The following CTNNA3 variants were observed in gnomAD, a reference collection of about 807,000 sequenced individuals.
CTNNA3 encodes the protein catenin alpha 3.
Under a neutral mutation model 95.7 loss-of-function variants are expected in CTNNA3, and 76 were observed. The ratio of observed to expected loss-of-function variants is 0.79; its 90% CI spans 0.66 to 0.96. The LOEUF is 0.96. CTNNA3 is among the 40% of genes least tolerant of loss of function. The pLI, the probability that CTNNA3 is intolerant of heterozygous loss-of-function variation, is 0.00. For missense variants in CTNNA3, 1,191 were observed against 1,089.8 expected (o/e 1.09, Z -1.31); for synonymous variants, 431 against 374.4 (o/e 1.15, Z -1.74).
At chr10:66,015,895 G>A (rs894497243) in intron 15 of CTNNA3, among the ~76,000 whole-genome samples, 1 of 152,010 alleles carries the variant, frequency 6.6e-6, no homozygotes, top group African/African-American at 2.4e-5. Context: ...ACATATATAT[G>A]AAAATATGCA....
chr10:66,684,940 T>G (rs1182423108), intron 9 of CTNNA3, among the ~76,000 whole-genome samples: 1 of 151,790 alleles, frequency 6.6e-6, no homozygotes, highest in African/African-American at 2.4e-5. Context: ...TTGTTGGCAT[T>G]TATTTTAAAA....
At chr10:66,833,885 T>C (rs1842807778) in intron 7 of CTNNA3, among the ~76,000 whole-genome samples, 1 of 152,170 alleles carries the variant, frequency 6.6e-6, no homozygotes, top group Admixed American at 6.5e-5. Context: ...CAGCTTGCTA[T>C]TTTTCTATTT....
intron 9 of CTNNA3, among the ~76,000 whole-genome samples, chr10:66,744,123 T>C (rs1849424189): frequency 6.6e-6 from 1 of 152,170 alleles, no homozygotes; most frequent in South Asian, 2.1e-4. Context: ...CTCTCAGACC[T>C]ATGAGCTTCT....
intron 5 of CTNNA3, among the ~76,000 whole-genome samples, chr10:67,228,163 G>T (rs530325851): frequency 3.9e-5 from 6 of 152,042 alleles, no homozygotes; most frequent in Admixed American, 6.5e-5. Context: ...CAGAAGAAAG[G>T]AAATAACCAA....
At chr10:66,972,392 G>C (rs1849771470) in intron 7 of CTNNA3, among the ~76,000 whole-genome samples, 1 of 152,116 alleles carries the variant, frequency 6.6e-6, no homozygotes, top group Non-Finnish European at 1.5e-5. Flanking sequence ...CTGGGCTCAA[G>C]CAGTCCTCCT....
intron 15 of CTNNA3, among the ~76,000 whole-genome samples, chr10:65,989,827 A>G (rs545008462): frequency 6.6e-6 from 1 of 152,116 alleles, no homozygotes; most frequent in East Asian, 1.9e-4. Flanking sequence ...TTCTAACTGT[A>G]TGTTTGCTCC....
At chr10:67,114,709 G>GGGGTGTGTGTGTGTGTGTGT (rs1554924160) in intron 7 of CTNNA3, among the ~76,000 whole-genome samples, 1 of 144,754 alleles carries the variant, frequency 6.9e-6, no homozygotes, top group African/African-American at 2.6e-5. Flanking sequence ...GGTTCTTAAA[G>GGGGTGTGTGTGTGTGTGTGT]GTGTGTGTGT....
intron 7 of CTNNA3, among the ~76,000 whole-genome samples, chr10:66,995,263 C>A (rs919200833): frequency 6.6e-6 from 1 of 152,160 alleles, no homozygotes; most frequent in African/African-American, 2.4e-5. Flanking sequence ...TTGGGTGTCA[C>A]TGAAGACACT....
intron 13 of CTNNA3, among the ~76,000 whole-genome samples, chr10:66,195,905 T>C (rs935700938): frequency 6.6e-6 from 1 of 152,176 alleles, no homozygotes; most frequent in Non-Finnish European, 1.5e-5. Flanking sequence ...AATTAATATT[T>C]TAAAGAACTG....
intron 7 of CTNNA3, among the ~76,000 whole-genome samples, chr10:66,826,255 T>A (rs1269181028): frequency 6.6e-6 from 1 of 152,146 alleles, no homozygotes; most frequent in Non-Finnish European, 1.5e-5. Context: ...CATGTCTATG[T>A]AATTGAATGT....
At position 66,621,421 on chromosome 10, in the gene CTNNA3, C is replaced by T. The variant is rs1362660570; in HGVS notation, c.1374+271G>A. On this transcript the variant is annotated intron_variant, in intron 10 of 17. Transcript: ENST00000433211. ...GGCAGATCACTTGAGGTCAGGAGTT[C>T]GAGACCAGCCTGGCCAACATGGTGA... Among the ~76,000 whole-genome samples the T allele has an allele frequency of 4.3e-4, 66 of 151,804 alleles. 1 individual carries two copies. Among genetic ancestry groups the T allele is most frequent in the Non-Finnish European group, 5.9e-5 (4 of 67,946 alleles).
chr10:65,979,789 A>G (rs2078282175), intron 16 of CTNNA3, among the ~76,000 whole-genome samples: 1 of 152,106 alleles, frequency 6.6e-6, no homozygotes, highest in African/African-American at 2.4e-5. Context: ...ATCTCTTAGA[A>G]CAGGAGATTC....
rs1401356739 is a variant in CTNNA3, at chr10:66,786,206, T to C, written c.1048-10682A>G. Among the ~76,000 whole-genome samples the C allele has an allele frequency of 2.0e-5, 3 of 152,116 alleles. No homozygotes were observed. In the East Asian group the frequency reaches 5.8e-4, roughly 29 times the overall value. On this transcript the variant is annotated intron_variant, in intron 7 of 17. Coordinates refer to ENST00000433211, the MANE Select transcript of CTNNA3 (RefSeq NM_013266.4). ...TATTGAGTCCCTCAAGCCTTGTTCATAGCTATATAAATAGGCCCTTTAATA... is the reference window on the plus strand; with the variant it reads ...TATTGAGTCCCTCAAGCCTTGTTCACAGCTATATAAATAGGCCCTTTAATA...
At chr10:67,508,654 G>C (rs940427047) in intron 5 of CTNNA3, among the ~76,000 whole-genome samples, 1 of 151,970 alleles carries the variant, frequency 6.6e-6, no homozygotes, top group Non-Finnish European at 1.5e-5. Context: ...AAATAAATAA[G>C]TGAAATTATA....
At chr10:65,986,849 C>T (rs2078438727) in intron 16 of CTNNA3, among the ~76,000 whole-genome samples, 1 of 149,020 alleles carries the variant, frequency 6.7e-6, no homozygotes, top group Admixed American at 6.7e-5. Context: ...ATGGTACTGG[C>T]ATTAAAAAAA....
chr10:66,317,822 C>A (rs1488858254), intron 12 of CTNNA3, among the ~76,000 whole-genome samples: 2 of 151,958 alleles, frequency 1.3e-5, no homozygotes, highest in East Asian at 3.9e-4. Flanking sequence ...TTTGAATTTT[C>A]TGTCAAGGTT....
chr10:67,728,038 AATT>A (rs1841251707), intron 1 of CTNNA3, among the ~76,000 whole-genome samples: 1 of 141,402 alleles, frequency 7.1e-6, no homozygotes, highest in Admixed American at 7.5e-5. Context: ...TATGATATAT[AATT>A]ATAATTATAT....
At chr10:66,491,685 G>A (rs542370038) in intron 11 of CTNNA3, among the ~76,000 whole-genome samples, 4 of 152,124 alleles carry the variant, frequency 2.6e-5, no homozygotes, top group Admixed American at 2.6e-4. Flanking sequence ...TCTGAAGGAG[G>A]CAAAAGGAAT....
chr10:66,278,944 T>C (rs190236633), intron 13 of CTNNA3, among the ~76,000 whole-genome samples: 93 of 151,936 alleles, frequency 6.1e-4, no homozygotes, highest in African/African-American at 2.0e-3. Context: ...AACAAGAAAA[T>C]TGGTAAAGTT....
Sources: gnomAD v4.1 joint callset for allele counts (sites outside exome capture counted in the v4.1 genomes callset) on GRCh38, gnomAD v4.1.1 for gene constraint, MANE v1.5 for transcripts, NCBI Gene and HGNC (gene_info 2026-07-23, HGNC 2026-07-21) for gene names.